Variants in MNAT1 observed in about 807,000 individuals in gnomAD.
The protein encoded by MNAT1 is CDK-activating kinase assembly factor MAT1.
Under a neutral mutation model 42.0 loss-of-function variants are expected in MNAT1, and 43 were observed. The ratio of observed to expected loss-of-function variants is 1.02; its 90% CI spans 0.80 to 1.32. MNAT1 has a LOEUF of 1.32. Among genes scored for constraint, MNAT1 ranks in the 40% most tolerant of loss-of-function variants. MNAT1 has a pLI of 0.00. For missense variants in MNAT1, 306 were observed against 350.4 expected, an observed-to-expected ratio of 0.87 and a Z score of 1.01; for synonymous variants, 118 against 120.0, an observed-to-expected ratio of 0.98 and a Z score of 0.11.
At chr14:60,878,354 A>G (rs1255960672) in intron 6 of MNAT1, among the ~76,000 whole-genome samples, 1 of 152,072 alleles carries the variant, frequency 6.6e-6, no homozygotes, top group Non-Finnish European at 1.5e-5. Context: ...TTATTACTGA[A>G]GAAAAATGGG....
At chr14:60,954,864 T>C (rs2036453703) in intron 7 of MNAT1, among the ~76,000 whole-genome samples, 1 of 152,152 alleles carries the variant, frequency 6.6e-6, no homozygotes, top group African/African-American at 2.4e-5. Context: ...TTTATATATA[T>C]ATGGCCTTTA....
rs148400500 is a variant in MNAT1 at position 60,740,800 on chromosome 14, A to T, written c.89+5849A>T. On this transcript the variant is annotated intron_variant, in intron 1 of 7. Coordinates refer to ENST00000261245, the MANE Select transcript of MNAT1 (RefSeq NM_002431.4). The surrounding 1 kb of genome is among the most constrained non-coding windows in gnomAD (Gnocchi z 4.1). Reference sequence around the variant, plus strand: ...CAGCATATGGCCTGTCTTTGTGAACAATCAGTGTACATTTGAAAAGAATAT... The same window carrying T: ...CAGCATATGGCCTGTCTTTGTGAACTATCAGTGTACATTTGAAAAGAATAT... 9.3e-4 allele frequency among the ~76,000 whole-genome samples: 141 copies of T among 152,328 alleles called. No homozygotes were observed. Among genetic ancestry groups the T allele is most frequent in the Non-Finnish European group, 1.6e-3 (109 of 68,024 alleles).
At chr14:60,816,839 C>G (rs533817777) in intron 5 of MNAT1, among the ~76,000 whole-genome samples, 3 of 152,104 alleles carry the variant, frequency 2.0e-5, no homozygotes, top group South Asian at 2.1e-4. Context: ...TAGGTTGGAA[C>G]TAAATTCTGT....
chr14:60,915,861 A>G (rs2035501443), intron 7 of MNAT1, among the ~76,000 whole-genome samples: 1 of 152,218 alleles, frequency 6.6e-6, no homozygotes, highest in Admixed American at 6.5e-5. Context: ...AACTTAACTT[A>G]AAAAGAAAGT....
chr14:60,948,645 T>C (rs529981223), intron 7 of MNAT1, among the ~76,000 whole-genome samples: 1 of 152,210 alleles, frequency 6.6e-6, no homozygotes, highest in Admixed American at 6.5e-5. Context: ...ACCAGTTCTC[T>C]TATCATTAAA....
intron 7 of MNAT1, among the ~76,000 whole-genome samples, chr14:60,908,785 A>G (rs1364925650): frequency 6.6e-6 from 1 of 152,174 alleles, no homozygotes; most frequent in African/African-American, 2.4e-5. Flanking sequence ...GTAAACATAC[A>G]TGAGCATGTG....
intron 1 of MNAT1, among the ~76,000 whole-genome samples, chr14:60,777,841 G>T (rs1349962131): frequency 6.6e-6 from 1 of 152,034 alleles, no homozygotes; most frequent in Non-Finnish European, 1.5e-5. Context: ...ATCTTCTAGT[G>T]GAAAGATTAG....
intron 7 of MNAT1, among the ~76,000 whole-genome samples, chr14:60,889,627 T>A (rs2034783765): frequency 6.6e-6 from 1 of 152,170 alleles, no homozygotes; most frequent in Admixed American, 6.5e-5. Flanking sequence ...AAAGAGCTTC[T>A]TCACAGCAAA....
chr14:60,941,084 A>G (rs1433205698), intron 7 of MNAT1, among the ~76,000 whole-genome samples: 1 of 152,190 alleles, frequency 6.6e-6, no homozygotes, highest in East Asian at 1.9e-4. Flanking sequence ...TTCTCATAGT[A>G]TATAGAAGTT....
At chr14:60,965,435 C>T (rs748520039) in intron 7 of MNAT1, among the ~76,000 whole-genome samples, 1 of 152,128 alleles carries the variant, frequency 6.6e-6, no homozygotes, top group Non-Finnish European at 1.5e-5. Context: ...AAAGATGCAA[C>T]TGTTTTGAAT....
At chr14:60,865,099 A>G (rs756206139) in intron 6 of MNAT1, among the ~76,000 whole-genome samples, 3 of 152,088 alleles carry the variant, frequency 2.0e-5, no homozygotes, top group Non-Finnish European at 2.9e-5. Context: ...CTACTGTACT[A>G]GGCACAGAAG....
chr14:60,929,894 A>G (rs1482695298), intron 7 of MNAT1, among the ~76,000 whole-genome samples: 1 of 152,144 alleles, frequency 6.6e-6, no homozygotes, highest in Admixed American at 6.6e-5. Context: ...AAGCCATGAA[A>G]CATTCTGACA....
At chr14:60,798,056 A>G (rs537766971) in intron 2 of MNAT1, 31 bp from the exon 3 acceptor site, 2 of 1,028,556 alleles carry the variant, frequency 1.9e-6, no homozygotes, top group African/African-American at 3.2e-5. Flanking sequence ...ATGATATGTA[A>G]TATGTAGATT....
intron 6 of MNAT1, among the ~76,000 whole-genome samples, chr14:60,832,227 G>A (rs1218343698): frequency 6.6e-6 from 1 of 152,130 alleles, no homozygotes; most frequent in African/African-American, 2.4e-5. Context: ...ATTACTTTTG[G>A]TGTTTTAGTC....
At chr14:60,908,519 G>C (rs1304399006) in intron 7 of MNAT1, among the ~76,000 whole-genome samples, 2 of 146,688 alleles carry the variant, frequency 1.4e-5, no homozygotes, top group Non-Finnish European at 3.0e-5. Context: ...TCCCCTTCCT[G>C]TGTCCATGTG....
At position 60,812,008 on chromosome 14, in the gene MNAT1, G is replaced by A; in HGVS notation, c.442G>A (p.Glu148Lys). 6.3e-7 allele frequency: 1 copy of A among 1,591,820 alleles called. No individual in the cohort carries two copies. The highest frequency in any genetic ancestry group is 8.5e-7 in the Non-Finnish European group (1 of 1,173,570). Residue 148 changes from glutamate to lysine, a missense_variant, in exon 5 of 8, where the codon GAA (glutamate) becomes AAA (lysine). Around this residue, in one of 3 missense-constraint regions of MNAT1, gnomAD observed 118 missense variants for 99.8 expected, o/e 1.18. Transcript: ENST00000261245. ...TTAGACTCGAGAACAGGAAGAACTG[G>A]AAGAAGCTTTAGAAGTGGAACGACA... Reference protein sequence around the residue: ...LKLTREQEELEEALEVERQEN... With the variant: ...LKLTREQEELKEALEVERQEN...
intron 7 of MNAT1, among the ~76,000 whole-genome samples, chr14:60,957,613 C>G (rs1183046909): frequency 6.6e-6 from 1 of 152,082 alleles, no homozygotes; most frequent in African/African-American, 2.4e-5. Flanking sequence ...GGGAAACAGC[C>G]GAACCATATC....
intron 7 of MNAT1, among the ~76,000 whole-genome samples, chr14:60,939,173 C>CA (rs1283161489): frequency 7.2e-5 from 11 of 152,022 alleles, no homozygotes; most frequent in African/African-American, 2.7e-4. Flanking sequence ...TTGATCTTTT[C>CA]AAAAAACCAG....
chr14:60,810,011 G>A (rs1307385000), intron 4 of MNAT1, among the ~76,000 whole-genome samples: 2 of 152,080 alleles, frequency 1.3e-5, no homozygotes, highest in African/African-American at 4.8e-5. Flanking sequence ...TACTGATTCA[G>A]TGTCCATACT....
Sources: allele counts gnomAD v4.1 joint callset (sites outside exome capture counted in the v4.1 genomes callset), GRCh38; gene constraint gnomAD v4.1.1; regional missense constraint gnomAD v4.1.1; non-coding constraint Gnocchi (gnomAD v3.1); transcripts MANE v1.5; gene names NCBI Gene and HGNC (gene_info 2026-07-23, HGNC 2026-07-21).